Variants in THSD7A observed in about 807,000 individuals in gnomAD.
THSD7A encodes thrombospondin type 1 domain containing 7A.
A neutral mutation model predicts 231.3 loss-of-function variants in THSD7A; 96 were observed. That is an observed-to-expected ratio of 0.41 (90% CI 0.35 to 0.49). The LOEUF (loss-of-function observed/expected upper bound fraction) is 0.49, where lower values mean the gene tolerates loss of function less well. Among genes scored for constraint, THSD7A ranks in the 20% least tolerant of loss-of-function variants. THSD7A has a pLI of 0.05. For missense variants in THSD7A, 2,290 were observed against 2,070.2 expected (o/e 1.11, Z -2.06); for synonymous variants, 940 against 743.3 (o/e 1.26, Z -4.30).
intron 6 of THSD7A, among the ~76,000 whole-genome samples, chr7:11,518,397 G>T (rs1788122264): frequency 6.6e-6 from 1 of 152,094 alleles, no homozygotes; most frequent in Admixed American, 6.6e-5. Context: ...TAGAGAGAAG[G>T]GTAGGAGAGT....
intron 3 of THSD7A, 125 bp downstream of exon 3, chr7:11,593,129 A>C: frequency 7.5e-7 from 1 of 1,330,720 alleles, no homozygotes; most frequent in Middle Eastern, 2.2e-4. Flanking sequence ...TTTTTTAAGG[A>C]TACTGTTTGT....
At chr7:11,798,617 C>T (rs1784193640) in intron 1 of THSD7A, among the ~76,000 whole-genome samples, 1 of 151,978 alleles carries the variant, frequency 6.6e-6, no homozygotes, top group Non-Finnish European at 1.5e-5. Flanking sequence ...ACAATATTGT[C>T]ATTTTTTAAT....
chr7:11,438,483 C>G (rs1360787370), intron 13 of THSD7A, among the ~76,000 whole-genome samples: 1 of 151,866 alleles, frequency 6.6e-6, no homozygotes, highest in Non-Finnish European at 1.5e-5. Flanking sequence ...AAAGCAATTG[C>G]TTAAGCTACT....
intron 1 of THSD7A, chr7:11,821,346 A>G: frequency 1.5e-6 from 1 of 681,364 alleles, no homozygotes; most frequent in South Asian, 1.5e-5. Context: ...TGGAGCTAAG[A>G]GGACTAATTT....
chr7:11,467,497 G>T (rs551425949), intron 9 of THSD7A, among the ~76,000 whole-genome samples: 1 of 152,014 alleles, frequency 6.6e-6, no homozygotes, highest in South Asian at 2.1e-4. Context: ...AATTAAATAA[G>T]TATTTATACA....
At chr7:11,738,306 C>A (rs773779549) in intron 1 of THSD7A, among the ~76,000 whole-genome samples, 7 of 151,948 alleles carry the variant, frequency 4.6e-5, no homozygotes, top group African/African-American at 7.2e-5. Flanking sequence ...AGTTTTGTTT[C>A]TTCAAGCGTT....
At chr7:11,671,621 T>G (rs2128378577) in intron 1 of THSD7A, among the ~76,000 whole-genome samples, 2 of 152,232 alleles carry the variant, frequency 1.3e-5, no homozygotes, top group South Asian at 4.2e-4. Flanking sequence ...TTTTCTAATT[T>G]GAGATGTTAG....
At chr7:11,413,545 C>T (rs1783859428) in intron 17 of THSD7A, among the ~76,000 whole-genome samples, 1 of 152,164 alleles carries the variant, frequency 6.6e-6, no homozygotes, top group Non-Finnish European at 1.5e-5. Flanking sequence ...AACCCACCTT[C>T]ATCTCGCTTT....
At chr7:11,470,546 T>C (rs530752024) in intron 8 of THSD7A, among the ~76,000 whole-genome samples, 2 of 151,948 alleles carry the variant, frequency 1.3e-5, no homozygotes, top group South Asian at 2.1e-4. Flanking sequence ...ATAATTAAGA[T>C]AATAAAACTG....
At chr7:11,820,423 T>C in intron 1 of THSD7A, 1 of 1,326,756 alleles carries the variant, frequency 7.5e-7, no homozygotes, top group Non-Finnish European at 1.0e-6. Flanking sequence ...ATGGGCCCAC[T>C]TGGGGCTGGT....
intron 2 of THSD7A, among the ~76,000 whole-genome samples, chr7:11,623,834 T>C (rs757422042): frequency 2.0e-5 from 3 of 152,186 alleles, no homozygotes; most frequent in Non-Finnish European, 2.9e-5. Flanking sequence ...TCAGCTTTAG[T>C]GTTCTGGCCA....
chr7:11,745,863 T>C (rs940992412), intron 1 of THSD7A, among the ~76,000 whole-genome samples: 1 of 152,132 alleles, frequency 6.6e-6, no homozygotes, highest in African/African-American at 2.4e-5. Flanking sequence ...TAGTATAGTT[T>C]GAAGTCAGGC....
In THSD7A at chr7:11,541,488, C is replaced by T. The variant is rs370197184; in HGVS notation, c.1753G>A (p.Glu585Lys). 2.0e-5 allele frequency: 33 copies of T among 1,613,764 alleles called. No homozygotes were observed. The highest frequency in any genetic ancestry group is 2.7e-5 in the African/African-American group (2 of 74,898). ...CCACACTCCTTTCCGTTATCTGGCT[C>T]GCAGTTTCCCAGTCTCACTGCTTTC... ...DWKAVRLGNC[E>K]PDNGKECGPG... Residue 585 changes from glutamate to lysine, a missense_variant, in exon 6 of 28, where the codon GAG (glutamate) becomes AAG (lysine). Glu to Lys is a moderately conservative substitution (Grantham distance 56). Transcript: ENST00000423059.
chr7:11,542,406 C>T (rs1476448076), intron 5 of THSD7A, among the ~76,000 whole-genome samples: 2 of 152,188 alleles, frequency 1.3e-5, no homozygotes, highest in African/African-American at 4.8e-5. Context: ...CCACGTCTAC[C>T]ATAAGAAAAC....
intron 1 of THSD7A, among the ~76,000 whole-genome samples, chr7:11,687,708 A>G (rs1526531): frequency 0.1 from 15,579 of 151,896 alleles, 1,013 homozygotes; most frequent in South Asian, 0.16. Flanking sequence ...CTAGAATGCC[A>G]GTGTCAAATA....
intron 6 of THSD7A, among the ~76,000 whole-genome samples, chr7:11,530,939 A>C (rs1788683697): frequency 1.3e-5 from 2 of 152,120 alleles, no homozygotes; most frequent in African/African-American, 4.8e-5. Flanking sequence ...TGAAACTCGG[A>C]GGTGGAGGTT....
chr7:11,658,460 T>C (rs549111769), intron 1 of THSD7A, among the ~76,000 whole-genome samples: 1 of 151,742 alleles, frequency 6.6e-6, no homozygotes, highest in South Asian at 2.1e-4. Flanking sequence ...CAGATGGTGT[T>C]AATGGTTGAC....
In THSD7A at chr7:11,401,811, T is replaced by C. The variant is rs757537835; in HGVS notation, c.4395A>G (p.Glu1465=). ...NQHLCPEQML[E]TKSCYDGQCY... Reference sequence around the variant, plus strand: ...AGCACTCACCATAACATGATTTTGTTTCTAACATCTGCTCTGGGCACAGAT... The same window carrying C: ...AGCACTCACCATAACATGATTTTGTCTCTAACATCTGCTCTGGGCACAGAT... The change falls in exon 23 of 28, where the codon GAA becomes GAG. Residue 1465 remains glutamate (E), a synonymous_variant. Coordinates refer to ENST00000423059, the MANE Select transcript of THSD7A (RefSeq NM_015204.3). The C allele has an allele frequency of 6.2e-7, 1 of 1,613,276 alleles. No homozygotes were observed. The highest frequency in any genetic ancestry group is 1.7e-5 in the Admixed American group (1 of 59,896).
Position 11,376,676 on chromosome 7 carries a change from A to T in THSD7A, c.4802-19T>A. On this transcript the variant is annotated intron_variant, in intron 26 of 27. Transcript: ENST00000423059. ...CTCCCATCTAAGAAGAATGGATATT[A>T]GTTATTAATTTACATTAGTCTGGTA... The T allele has an allele frequency of 2.6e-6, 4 of 1,543,218 alleles. No homozygotes were observed. Among genetic ancestry groups the T allele is most frequent in the Non-Finnish European group, 3.5e-6 (4 of 1,137,318 alleles).
Sources: allele counts gnomAD v4.1 joint callset (sites outside exome capture counted in the v4.1 genomes callset), GRCh38; gene constraint gnomAD v4.1.1; transcripts MANE v1.5; gene names NCBI Gene and HGNC (gene_info 2026-07-23, HGNC 2026-07-21).